Variants in NAPRT observed in about 807,000 individuals in gnomAD.
The protein encoded by NAPRT is nicotinate phosphoribosyltransferase, also known as FHA-HIT-interacting protein.
In NAPRT, 66 loss-of-function variants were observed where a neutral mutation model predicts 60.7. The ratio of observed to expected loss-of-function variants is 1.09; its 90% CI spans 0.89 to 1.33. The LOEUF (loss-of-function observed/expected upper bound fraction) is 1.33. Among genes scored for constraint, NAPRT ranks in the 40% most tolerant of loss-of-function variants. NAPRT has a pLI of 0.00. For synonymous variants in NAPRT, 405 were observed against 335.7 expected, an observed-to-expected ratio of 1.21 and a Z score of -2.26; for missense variants, 818 against 731.5, an observed-to-expected ratio of 1.12 and a Z score of -1.36.
At position 143,575,442 on chromosome 8, in the gene NAPRT, G is replaced by A. The variant is rs1377818588; in HGVS notation, c.1272C>T (p.Phe424=). 4 of 1,591,278 alleles carry A rather than the reference G, an allele frequency of 2.5e-6. No homozygotes were observed. Among genetic ancestry groups the A allele is most frequent in the Middle Eastern group, 1.7e-4 (1 of 6,000 alleles). The change falls in exon 10 of 13, where the codon TTC becomes TTT. Residue 424 remains phenylalanine, a synonymous_variant. Transcript: ENST00000449291. ...CCTCACCGTCAGAGCCCAGGAGCCG[G>A]AAAGCAGCCTTGCTCCCAGGCAACG... The part of the protein sequence containing the change: ...KQTLPGSKAA[F]RLLGSDGSPL...
downstream of NAPRT, among the ~76,000 whole-genome samples, chr8:143,573,314 C>T (rs575919460): frequency 6.6e-6 from 1 of 152,304 alleles, no homozygotes; most frequent in African/African-American, 2.4e-5. Flanking sequence ...ACCAGAGGAG[C>T]GGTGGCCCCT....
At position 143,576,449 on chromosome 8, in the gene NAPRT, G is replaced by A; in HGVS notation, c.1005C>T (p.Phe335=). 6.2e-7 allele frequency: 1 copy of A among 1,609,344 alleles called. No individual in the cohort carries two copies. Among genetic ancestry groups the A allele is most frequent in the Non-Finnish European group, 8.5e-7 (1 of 1,177,818 alleles). ...AAACTCACTGGGCTGCAGCAGCTCG[G>A]AAGACCTTGCGGATCTCCTGAGCCT... ...LQQAQEIRKV[F]RAAAAQFQVP... is the part of the protein sequence containing the mutation. The change falls in exon 7 of 13, where the codon TTC becomes TTT. Residue 335 remains phenylalanine (F), a synonymous_variant. Coordinates refer to ENST00000449291, the MANE Select transcript of NAPRT (RefSeq NM_145201.6).
downstream of NAPRT, among the ~76,000 whole-genome samples, chr8:143,574,214 A>G (rs1587038932): frequency 6.6e-6 from 1 of 152,170 alleles, no homozygotes. Flanking sequence ...TGGAGCTTCA[A>G]CTTCTTCCCC....
At position 143,578,097 on chromosome 8, in the gene NAPRT, G is replaced by A. The variant is rs1239604749; in HGVS notation, c.222C>T (p.Asp74=). ...GTCGCGCGGACGGGGGACTACCGGC[G>A]TCCCGCAGGCGGAAGGCGCGCAGGA... ...VRFLRAFRLR[D]ADVQFLASVL... Residue 74 remains aspartate (D), a synonymous_variant, in exon 1 of 13, where the codon GAC becomes GAT. Transcript: ENST00000449291. 1 of 1,522,818 alleles carries A rather than the reference G, an allele frequency of 6.6e-7. No individual in the cohort carries two copies. Among genetic ancestry groups the A allele is most frequent in the Non-Finnish European group, 8.8e-7 (1 of 1,142,314 alleles). The allele number at this position is 1,522,818 out of a possible 1,614,324, so 94.3% of individuals were successfully genotyped here. A position where few individuals can be genotyped will look rare whatever the true frequency, so the allele number is the denominator to read the frequency against.
Position 143,577,282 on chromosome 8 carries a change from G to T in NAPRT, c.555C>A (p.Tyr185Ter). Reference sequence around the variant, plus strand: ...CCAGACACTCACCGCCCAGGTAGCTGTAGGTGGAGGCTGTCAGGCCCCCAT... The same window carrying T: ...CCAGACACTCACCGCCCAGGTAGCTTTAGGTGGAGGCTGTCAGGCCCCCAT... ...GPDGGLTAST[Y>*]SYLGGFDSSS... The change falls in exon 4 of 13, where the codon TAC (tyrosine) becomes TAA (stop). Residue 185 changes from tyrosine (Y) to a stop codon, truncating the protein, a stop_gained. Coordinates refer to ENST00000449291, the MANE Select transcript of NAPRT (RefSeq NM_145201.6). LOFTEE classifies it high-confidence loss of function. 2 of 1,609,508 alleles carry T rather than the reference G, an allele frequency of 1.2e-6. No homozygotes were observed. The highest frequency in any genetic ancestry group is 3.3e-5 in the Admixed American group (2 of 59,702).
chr8:143,575,377 C>T (rs1824360800), intron 10 of NAPRT, 32 bp from the exon 11 acceptor site: 3 of 1,598,620 alleles, frequency 1.9e-6, no homozygotes, highest in Middle Eastern at 3.3e-4. Context: ...AAGCGGGGGC[C>T]CTGGTGCTTT....
At position 143,578,292 on chromosome 8, in the gene NAPRT, C is replaced by A; in HGVS notation, c.27G>T (p.Ala9=). The A allele has an allele frequency of 7.1e-7, 1 of 1,403,944 alleles. No individual in the cohort carries two copies. The highest frequency in any genetic ancestry group is 1.6e-5 in the South Asian group (1 of 63,402). 87.0% of individuals were successfully genotyped at this position (1,403,944 alleles called of 1,614,324 possible). The stretch of plus-strand genomic sequence containing the variant: ...TGAGCAGCGGCCGCGCCGCCGCGCG[C>A]GCCTCGGGGTCCTGCTCCGCCGCCA... MAAEQDPE[A]RAAARPLLTD... Residue 9 remains alanine, a synonymous_variant, in exon 1 of 13, where the codon GCG becomes GCT. Coordinates refer to ENST00000449291, the MANE Select transcript of NAPRT (RefSeq NM_145201.6).
In NAPRT at chr8:143,574,915, G is replaced by A. The variant is rs1824317252; in HGVS notation, c.1555-15C>T. 10 of 1,550,468 alleles carry A rather than the reference G, an allele frequency of 6.4e-6. No homozygotes were observed. The highest frequency in any genetic ancestry group is 2.0e-5 in the Admixed American group (1 of 50,986). Reference sequence around the variant, plus strand: ...GACAGCACCACCTGCAGGGAGCAGAGGACAGGAGCGGTGGGCAGGGTGAGG... The same window carrying A: ...GACAGCACCACCTGCAGGGAGCAGAAGACAGGAGCGGTGGGCAGGGTGAGG... On this transcript the variant is annotated splice_polypyrimidine_tract_variant and intron_variant, in intron 12 of 12. Transcript: ENST00000449291.
At position 143,577,569 on chromosome 8, in the gene NAPRT, C is replaced by T. The variant is rs1265656997; in HGVS notation, c.437+88G>A. 3.3e-6 allele frequency: 5 copies of T among 1,495,720 alleles called. No individual in the cohort carries two copies. The African/African-American group carries it at 6.9e-5, about 21-fold the overall frequency. The allele number at this position is 1,495,720 out of a possible 1,614,324, so 92.7% of individuals were successfully genotyped here. A position where few individuals can be genotyped will look rare whatever the true frequency, so the allele number is the denominator to read the frequency against. On this transcript the variant is annotated intron_variant, in intron 3 of 12. Coordinates refer to ENST00000449291, the MANE Select transcript of NAPRT (RefSeq NM_145201.6). ...GGCCAGTCCTGGGACCCCTGGGCAG[C>T]CAGCCCCGCCGCCACAGTCCAGCAC... is the stretch of plus-strand genomic sequence containing the variant.
chr8:143,576,741 C>T lies in NAPRT; in HGVS notation c.786G>A (p.Gln262=), dbSNP rs1266362622. 2 of 1,608,230 alleles carry T rather than the reference C, an allele frequency of 1.2e-6. No individual in the cohort carries two copies. Among genetic ancestry groups the T allele is most frequent in the South Asian group, 2.2e-5 (2 of 90,680 alleles). ...CTGCCCGCTCGCCTGGATGCGGCTC[C>T]TGCACCCCCAGCCCCAGGTGGGCAC... ...QVCAHLGLGV[Q]EPHPGERAAF... The change falls in exon 6 of 13, where the codon CAG becomes CAA. Residue 262 remains glutamine (Q), a synonymous_variant. Transcript: ENST00000449291.
Position 143,575,304 on chromosome 8 carries a change from CT to C in NAPRT, c.1332del (p.Val445CysfsTer8). ...CTCAGCTCCTGCCCAGCCTGTGGCACTGGCTCTTCTGCTAACTGCAGCATGT... is the reference window on the plus strand; with the variant it reads ...CTCAGCTCCTGCCCAGCCTGTGGCACGGCTCTTCTGCTAACTGCAGCATGT... ...LMDMLQLAEE[P>X]VPQAGQELRV... On this transcript the variant is annotated frameshift_variant, in exon 11 of 13. Transcript: ENST00000449291. LOFTEE classifies it high-confidence loss of function. 1 of 1,612,794 alleles carries C rather than the reference CT, an allele frequency of 6.2e-7. No individual in the cohort carries two copies. Among genetic ancestry groups the C allele is most frequent in the Non-Finnish European group, 8.5e-7 (1 of 1,179,934 alleles).
rs73715689 is a variant in NAPRT, at chr8:143,575,580, C to T, written c.1188+42G>A. 1,038 of 1,591,802 alleles carry T rather than the reference C, an allele frequency of 6.5e-4. 12 individuals carry two copies. The African/African-American group carries it at 0.013, about 19-fold the overall frequency. ...TCCTTATCCCCCACCCAGCACCATCCCTCAGACCTGCCCCCACCTGGGCCC... is the reference window on the plus strand; with the variant it reads ...TCCTTATCCCCCACCCAGCACCATCTCTCAGACCTGCCCCCACCTGGGCCC... On this transcript the variant is annotated intron_variant, in intron 9 of 12. Transcript: ENST00000449291.
intron 1 of NAPRT, 62 bp from the exon 2 acceptor site, chr8:143,578,005 G>A (rs949549377): frequency 1.3e-6 from 2 of 1,553,348 alleles, no homozygotes; most frequent in Admixed American, 3.6e-5. Flanking sequence ...GGACATGGGG[G>A]GTTCCACGGG....
At position 143,577,115 on chromosome 8, in the gene NAPRT, GGGTCCC is replaced by G; in HGVS notation, c.625_630del (p.Gly209_Thr210del). ...AAGGAAGTGACGAAGGAGTGGGCCAGGGTCCCGGCCACCGGCACACCTCGCAGCTGG... is the reference window on the plus strand; with the variant it reads ...AAGGAAGTGACGAAGGAGTGGGCCAGGGCCACCGGCACACCTCGCAGCTGG... On this transcript the variant is annotated inframe_deletion, in exon 5 of 13. Coordinates refer to ENST00000449291, the MANE Select transcript of NAPRT (RefSeq NM_145201.6). 6.2e-7 allele frequency: 1 copy of G among 1,613,038 alleles called. No individual in the cohort carries two copies. Among genetic ancestry groups the G allele is most frequent in the Non-Finnish European group, 8.5e-7 (1 of 1,179,944 alleles).
downstream of NAPRT, chr8:143,572,956 C>T (rs1335359217): frequency 2.0e-6 from 1 of 492,206 alleles, no homozygotes; most frequent in African/African-American, 2.0e-5. Flanking sequence ...GCTCTACCCA[C>T]CAGGGCCCTG....
At chr8:143,577,212 G>C in intron 4 of NAPRT, 35 bp from the exon 5 acceptor site, 1 of 1,605,172 alleles carries the variant, frequency 6.2e-7, no homozygotes, top group Non-Finnish European at 8.5e-7. Context: ...GGGGACCTCG[G>C]GCCAAGATGG....
chr8:143,577,850 C>G lies in NAPRT; in HGVS notation c.320G>C (p.Arg107Pro). The G allele has an allele frequency of 6.2e-7, 1 of 1,611,698 alleles. No individual in the cohort carries two copies. Among genetic ancestry groups the G allele is most frequent in the Non-Finnish European group, 8.5e-7 (1 of 1,179,606 alleles). The change falls in exon 2 of 13, where the codon CGA (arginine) becomes CCA (proline). Residue 107 changes from arginine to proline, a missense_variant. Coordinates refer to ENST00000449291, the MANE Select transcript of NAPRT (RefSeq NM_145201.6). ...RALDCSEVTV[R>P]ALPEGSLAFP... is the part of the protein sequence containing the mutation. ...GGCGAGGGAGCCCTCGGGCAGGGCTCGCACCGTCACCTCGGAGCAGTCGAG... is the reference window on the plus strand; with the variant it reads ...GGCGAGGGAGCCCTCGGGCAGGGCTGGCACCGTCACCTCGGAGCAGTCGAG...
intron 3 of NAPRT, 96 bp from the exon 4 acceptor site, chr8:143,577,495 C>G (rs1300114244): frequency 6.1e-6 from 9 of 1,471,876 alleles, no homozygotes; most frequent in Non-Finnish European, 8.2e-6. Context: ...AACCTGGGAG[C>G]TCCACCCTCA....
chr8:143,577,623 T>C, intron 3 of NAPRT, 34 bp downstream of exon 3: 1 of 1,533,470 alleles, frequency 6.5e-7, no homozygotes, highest in Non-Finnish European at 8.7e-7. Flanking sequence ...GCCCATCCCA[T>C]GCCCACGCTC....
Sources: gnomAD v4.1 joint callset for allele counts (sites outside exome capture counted in the v4.1 genomes callset) on GRCh38, gnomAD v4.1.1 for gene constraint, MANE v1.5 for transcripts, NCBI Gene and HGNC (gene_info 2026-07-23, HGNC 2026-07-21) for gene names.